The following EEF1E1 variants were observed in gnomAD, a reference collection of about 807,000 sequenced individuals.
EEF1E1 encodes the protein eukaryotic translation elongation factor 1 epsilon-1.
A neutral mutation model predicts 19.9 loss-of-function variants in EEF1E1; 19 were observed. The ratio of observed to expected loss-of-function variants is 0.95; its 90% CI spans 0.66 to 1.40. The LOEUF (loss-of-function observed/expected upper bound fraction) is 1.40. Among genes scored for constraint, EEF1E1 ranks in the 40% most tolerant of loss-of-function variants. The probability of loss-of-function intolerance (pLI) is 0.00; values close to 1 mark genes in which losing one functional copy is unlikely to be tolerated. For missense variants in EEF1E1, 198 were observed against 202.2 expected (o/e 0.98, Z 0.13); for synonymous variants, 81 against 80.0 (o/e 1.01, Z -0.07).
At chr6:8,098,000 T>A (rs1473871449) in intron 1 of EEF1E1, among the ~76,000 whole-genome samples, 1 of 152,094 alleles carries the variant, frequency 6.6e-6, no homozygotes, top group Non-Finnish European at 1.5e-5. Flanking sequence ...TATTACCTAA[T>A]GGGAAGACTG....
intron 3 of EEF1E1, among the ~76,000 whole-genome samples, chr6:8,088,017 T>G (rs552889128): frequency 1.3e-5 from 2 of 152,158 alleles, no homozygotes; most frequent in Non-Finnish European, 2.9e-5. Context: ...TGGACCTCGT[T>G]CCACCACTTA....
chr6:8,093,027 A>G lies in EEF1E1; in HGVS notation c.289-2746T>C, dbSNP rs535828666. ...GTAGCTGGGACTACAGGCACACAAC[A>G]TGACTGGCTAATTTTTTGTATTTTT... On this transcript the variant is annotated intron_variant, in intron 2 of 3. Coordinates refer to ENST00000379715, the MANE Select transcript of EEF1E1 (RefSeq NM_004280.5). 2.1e-3 allele frequency among the ~76,000 whole-genome samples: 319 copies of G among 151,952 alleles called. 1 individual carries two copies. The highest frequency in any genetic ancestry group is 7.2e-3 in the African/African-American group (300 of 41,456).
chr6:8,095,396 G>A (rs9392961), intron 2 of EEF1E1: 80,579 of 400,578 alleles, frequency 0.2, 9,480 homozygotes, highest in Non-Finnish European at 0.25. Flanking sequence ...CCATTTACTC[G>A]GGAGGCTGAG....
rs1554099744 is a variant in EEF1E1, at chr6:8,099,751, A to AACACACACAC, written c.88-2294_88-2285dup. Among the ~76,000 whole-genome samples, 327 of 92,936 alleles carry AACACACACAC rather than the reference A, an allele frequency of 3.5e-3. 4 individuals carry two copies. The highest frequency in any genetic ancestry group is 7.9e-3 in the African/African-American group (152 of 19,280). The allele number at this position is 92,936 out of a possible 152,430, so 61.0% of individuals were successfully genotyped here. A position where few individuals can be genotyped will look rare whatever the true frequency, so the allele number is the denominator to read the frequency against. Reference sequence around the variant, plus strand: ...AACAAGAGTGAAGCTCCGCCTCAAAAACACACACACACACACACACACACA... The same window carrying AACACACACAC: ...AACAAGAGTGAAGCTCCGCCTCAAAAACACACACACACACACACACACACACACACACACA... On this transcript the variant is annotated intron_variant, in intron 1 of 3. Coordinates refer to ENST00000379715, the MANE Select transcript of EEF1E1 (RefSeq NM_004280.5).
In EEF1E1 at chr6:8,102,506, C is replaced by G. The variant is rs1452016659; in HGVS notation, c.16G>C (p.Glu6Gln). The change falls in exon 1 of 4, where the codon GAG (glutamate) becomes CAG (glutamine). Residue 6 changes from glutamate to glutamine, a missense_variant. Coordinates refer to ENST00000379715, the MANE Select transcript of EEF1E1 (RefSeq NM_004280.5). The part of the protein sequence containing the change: MAAAA[E>Q]LSLLEKSLGL... ...AGGGACTTCTCCAGTAGCGACAACT[C>G]TGCGGCCGCCGCCATCTTCCGGCCG... 1 of 1,611,210 alleles carries G rather than the reference C, an allele frequency of 6.2e-7. No homozygotes were observed. The highest frequency in any genetic ancestry group is 1.3e-5 in the African/African-American group (1 of 74,938).
At chr6:8,095,327 C>A (rs1180524365) in intron 2 of EEF1E1, 4 of 397,116 alleles carry the variant, frequency 1.0e-5, no homozygotes, top group South Asian at 1.8e-5. Flanking sequence ...ATGATGAAAC[C>A]CTATCTCTAC....
chr6:8,099,791 C>CACACAAAAA (rs768224090), intron 1 of EEF1E1, among the ~76,000 whole-genome samples: 21 of 114,686 alleles, frequency 1.8e-4, no homozygotes, highest in African/African-American at 5.3e-4. Flanking sequence ...CACACACACA[C>CACACAAAAA]AAAAAAAAAA....
chr6:8,080,137 C>G, intron 3 of EEF1E1, 107 bp from the exon 4 acceptor site: 1 of 1,258,138 alleles, frequency 7.9e-7, no homozygotes, highest in Admixed American at 2.0e-5. Context: ...AACATCAATC[C>G]CCCAAGAGCT....
Position 8,094,569 on chromosome 6 carries a change from T to TAA in EEF1E1, c.288+2696_288+2697dup, listed in dbSNP as rs199734021. ...CTGTGTGACAGAGCAAGACTCTATT[T>TAA]AAAAAAAAAAAAAAAAAATTAGGCT... On this transcript the variant is annotated intron_variant, in intron 2 of 3. Transcript: ENST00000379715. Among the ~76,000 whole-genome samples the TAA allele has an allele frequency of 2.1e-3, 292 of 139,522 alleles. 2 individuals are homozygous for TAA. Among genetic ancestry groups the TAA allele is most frequent in the Admixed American group, 6.4e-3 (90 of 14,036 alleles). The allele number at this position is 139,522 out of a possible 152,430, so 91.5% of individuals were successfully genotyped here. A position where few individuals can be genotyped will look rare whatever the true frequency, so the allele number is the denominator to read the frequency against.
chr6:8,090,811 C>G (rs1757994251), intron 2 of EEF1E1, among the ~76,000 whole-genome samples: 1 of 152,146 alleles, frequency 6.6e-6, no homozygotes, highest in South Asian at 2.1e-4. Context: ...ACTTTTGTGA[C>G]TGGCTTGTTT....
intron 3 of EEF1E1, among the ~76,000 whole-genome samples, chr6:8,089,497 G>A (rs944801576): frequency 1.2e-4 from 18 of 152,300 alleles, no homozygotes; most frequent in African/African-American, 4.1e-4. Context: ...AAAGCATCCA[G>A]CACGGGAGAA....
Position 8,101,225 on chromosome 6 carries a change from C to CAAAAAAA in EEF1E1, c.87+1203_87+1209dup, listed in dbSNP as rs778878465. 5.5e-3 allele frequency among the ~76,000 whole-genome samples: 17 copies of CAAAAAAA among 3,110 alleles called. 7 individuals carry two copies. The highest frequency in any genetic ancestry group is 0.014 in the African/African-American group (8 of 552). The allele number at this position is 3,110 out of a possible 152,430, so 2.0% of individuals were successfully genotyped here. A position where few individuals can be genotyped will look rare whatever the true frequency, so the allele number is the denominator to read the frequency against. ...TGGGCGACACAGTGAGACTTTGTCT[C>CAAAAAAA]AAAAAAAAAAAAAAAAAAATATATA... On this transcript the variant is annotated intron_variant, in intron 1 of 3. Coordinates refer to ENST00000379715, the MANE Select transcript of EEF1E1 (RefSeq NM_004280.5).
downstream of EEF1E1, among the ~76,000 whole-genome samples, chr6:8,078,341 G>A (rs755291323): frequency 2.0e-5 from 3 of 152,068 alleles, no homozygotes; most frequent in Admixed American, 6.5e-5. Flanking sequence ...CTGGTCAGTG[G>A]AGCAGTCAGA....
In EEF1E1 at chr6:8,079,983, G is replaced by T; in HGVS notation, c.432C>A (p.Arg144=). ...GATAATGCTGAATGTGACAAAACCA[G>T]CGAGACACATTAAGATATTTCTCCT... ...QEKEKYLNVS[R]WFCHIQHYPG... Residue 144 remains arginine, a synonymous_variant, in exon 4 of 4, where the codon CGC becomes CGA. Transcript: ENST00000379715. The T allele has an allele frequency of 6.2e-7, 1 of 1,613,624 alleles. No individual in the cohort carries two copies. The highest frequency in any genetic ancestry group is 8.5e-7 in the Non-Finnish European group (1 of 1,179,890).
chr6:8,075,607 A>G (rs1757572344), downstream of EEF1E1, among the ~76,000 whole-genome samples: 1 of 145,196 alleles, frequency 6.9e-6, no homozygotes, highest in Non-Finnish European at 1.6e-5. Context: ...GACCTTTAGG[A>G]AGTCAATCTT....
chr6:8,076,584 A>G (rs533708014), downstream of EEF1E1, among the ~76,000 whole-genome samples: 1 of 152,218 alleles, frequency 6.6e-6, no homozygotes, highest in African/African-American at 2.4e-5. Flanking sequence ...CGGCCTCCCA[A>G]AGTGCTGGGA....
intron 2 of EEF1E1, among the ~76,000 whole-genome samples, chr6:8,091,393 T>C (rs921184658): frequency 2.0e-5 from 3 of 152,232 alleles, no homozygotes; most frequent in Admixed American, 6.5e-5. Flanking sequence ...TTGGGTTTGT[T>C]TGTTGCTGAG....
chr6:8,098,085 TG>T (rs1340358713), intron 1 of EEF1E1, among the ~76,000 whole-genome samples: 1 of 151,942 alleles, frequency 6.6e-6, no homozygotes, highest in East Asian at 1.9e-4. Context: ...TTGGGAAGAC[TG>T]CTGCTCTTCT....
intron 3 of EEF1E1, among the ~76,000 whole-genome samples, chr6:8,086,123 A>G (rs1408813340): frequency 1.3e-5 from 2 of 152,156 alleles, no homozygotes; most frequent in African/African-American, 4.8e-5. Flanking sequence ...TCTTTGAGGA[A>G]CAATTCAGAA....
Sources: gnomAD v4.1 joint callset for allele counts (sites outside exome capture counted in the v4.1 genomes callset) on GRCh38, gnomAD v4.1.1 for gene constraint, MANE v1.5 for transcripts, NCBI Gene and HGNC (gene_info 2026-07-23, HGNC 2026-07-21) for gene names.